SPHKAP: variants seen among roughly 807,000 people sequenced by gnomAD.
The protein encoded by SPHKAP is SPHK1 interactor, AKAP domain containing, also known as A-kinase anchor protein SPHKAP.
Under a neutral mutation model 137.5 loss-of-function variants are expected in SPHKAP, and 67 were observed. That is an observed-to-expected ratio of 0.49 (90% CI 0.40 to 0.60). SPHKAP has a LOEUF of 0.60. SPHKAP is among the 20% of genes least tolerant of loss of function. The probability of loss-of-function intolerance (pLI) is 0.00; values close to 1 mark genes in which losing one functional copy is unlikely to be tolerated. For synonymous variants in SPHKAP, 813 were observed against 785.3 expected (o/e 1.04, Z -0.59); for missense variants, 2,097 against 2,069.3 (o/e 1.01, Z -0.26).
chr2:228,077,205 T>A (rs538511343), intron 3 of SPHKAP, among the ~76,000 whole-genome samples: 2 of 152,194 alleles, frequency 1.3e-5, no homozygotes, highest in Non-Finnish European at 2.9e-5. Context: ...GCTAGGGCAG[T>A]GTGGAAGAGA....
At chr2:228,092,119 A>G (rs1697762937) in intron 3 of SPHKAP, among the ~76,000 whole-genome samples, 1 of 125,104 alleles carries the variant, frequency 8.0e-6, no homozygotes, top group South Asian at 2.5e-4. Flanking sequence ...ACACATATAT[A>G]CATATACGTA....
chr2:227,981,768 C>T lies in SPHKAP; in HGVS notation c.5052G>A (p.Glu1684=). The change falls in exon 12 of 12, where the codon GAG becomes GAA. Residue 1684 remains glutamate (E), a synonymous_variant. Coordinates refer to ENST00000392056, the MANE Select transcript of SPHKAP (RefSeq NM_001142644.2). ...AVVQYCKMHE[E]QKDGRLSLFD... is the part of the protein sequence containing the mutation. ...AGAGACTCAGTCTCCCATCCTTCTG[C>T]TCCTCATGCATTTTGCAGTACTGGA... is the stretch of plus-strand genomic sequence containing the variant. The T allele has an allele frequency of 1.2e-6, 2 of 1,613,964 alleles. No homozygotes were observed. The highest frequency in any genetic ancestry group is 8.5e-7 in the Non-Finnish European group (1 of 1,179,846).
At chr2:228,010,389 G>T (rs1694322789) in intron 7 of SPHKAP, among the ~76,000 whole-genome samples, 1 of 152,106 alleles carries the variant, frequency 6.6e-6, no homozygotes, top group East Asian at 1.9e-4. Flanking sequence ...AAAATTAGCT[G>T]GGTGTGGTGG....
chr2:227,996,102 T>A, intron 7 of SPHKAP: 1 of 985,100 alleles, frequency 1.0e-6, no homozygotes, highest in Non-Finnish European at 1.2e-6. Flanking sequence ...TCCTGGTTGA[T>A]TCTAATGCAA....
At chr2:227,992,053 G>T (rs570430720) in intron 9 of SPHKAP, among the ~76,000 whole-genome samples, 1 of 152,088 alleles carries the variant, frequency 6.6e-6, no homozygotes, top group Non-Finnish European at 1.5e-5. Context: ...GCATGTAGTG[G>T]GAGGACTTGG....
chr2:228,099,926 T>C (rs1698136034), intron 3 of SPHKAP, among the ~76,000 whole-genome samples: 1 of 152,042 alleles, frequency 6.6e-6, no homozygotes. Context: ...CTCGGCTCAC[T>C]GCAAGCTCCG....
In SPHKAP at chr2:228,016,535, G is replaced by C. The variant is rs764615338; in HGVS notation, c.4319C>G (p.Ala1440Gly). The change falls in exon 7 of 12, where the codon GCT becomes GGT. Residue 1440 changes from alanine to glycine, a missense_variant. Physicochemically the swap from Ala to Gly is moderately conservative, Grantham distance 60. Coordinates refer to ENST00000392056, the MANE Select transcript of SPHKAP (RefSeq NM_001142644.2). ...QIETDQREAC[A>G]GEPEPFLSKS... Reference sequence around the variant, plus strand: ...GGAAAGGAAGGGTTCAGGTTCCCCAGCACAGGCTTCTCTCTGATCTGTTTC... The same window carrying C: ...GGAAAGGAAGGGTTCAGGTTCCCCACCACAGGCTTCTCTCTGATCTGTTTC... 3.1e-6 allele frequency: 5 copies of C among 1,614,080 alleles called. No individual in the cohort carries two copies. The South Asian group carries it at 5.5e-5, about 18-fold the overall frequency.
intron 8 of SPHKAP, among the ~76,000 whole-genome samples, chr2:227,995,133 G>A (rs548804814): frequency 3.3e-5 from 5 of 152,308 alleles, no homozygotes; most frequent in South Asian, 2.1e-4. Flanking sequence ...CACTTGCCTC[G>A]TGTAAACCCA....
At chr2:228,007,102 C>T (rs576949864) in intron 7 of SPHKAP, among the ~76,000 whole-genome samples, 15 of 152,320 alleles carry the variant, frequency 9.8e-5, no homozygotes, top group African/African-American at 3.1e-4. Context: ...TCTTCTGCAT[C>T]GCTCACGCTG....
chr2:228,050,997 G>A lies in SPHKAP; in HGVS notation c.247-23454C>T, dbSNP rs141806840. Among the ~76,000 whole-genome samples the A allele has an allele frequency of 4.0e-3, 604 of 152,062 alleles. 7 individuals are homozygous for A. Among genetic ancestry groups the A allele is most frequent in the African/African-American group, 0.014 (581 of 41,486 alleles). ...ATTTTTGTATATTTTGTAGAGACAG[G>A]GTTTTGCTATGTTGTCCAGGCTGGT... On this transcript the variant is annotated intron_variant, in intron 3 of 11. Transcript: ENST00000392056.
intron 8 of SPHKAP, 65 bp from the exon 9 acceptor site, chr2:227,993,685 T>G: frequency 7.2e-7 from 1 of 1,393,368 alleles, no homozygotes; most frequent in Non-Finnish European, 1.0e-6. Context: ...CTGACAGTGA[T>G]GTTCCATTGT....
intron 3 of SPHKAP, among the ~76,000 whole-genome samples, chr2:228,042,366 T>C (rs1695886084): frequency 6.6e-6 from 1 of 152,146 alleles, no homozygotes; most frequent in South Asian, 2.1e-4. Flanking sequence ...TATATATTTA[T>C]TTTTTAAAGA....
At chr2:228,020,824 A>G (rs969119492) in intron 6 of SPHKAP, among the ~76,000 whole-genome samples, 2 of 152,212 alleles carry the variant, frequency 1.3e-5, no homozygotes, top group Admixed American at 1.3e-4. Context: ...AAGGCTTTCA[A>G]ATTTCATGAT....
chr2:228,056,206 T>C (rs537779494), intron 3 of SPHKAP, among the ~76,000 whole-genome samples: 10 of 152,370 alleles, frequency 6.6e-5, no homozygotes, highest in Admixed American at 6.5e-4. Context: ...TTTCCTGCTT[T>C]TTCTCAACTA....
intron 11 of SPHKAP, among the ~76,000 whole-genome samples, chr2:227,990,697 C>A (rs1693380156): frequency 6.6e-6 from 1 of 152,116 alleles, no homozygotes; most frequent in East Asian, 1.9e-4. Flanking sequence ...GGATCACTAT[C>A]AAGAAGTTTG....
intron 5 of SPHKAP, among the ~76,000 whole-genome samples, chr2:228,023,989 T>C (rs1694937866): frequency 1.3e-5 from 2 of 152,236 alleles, no homozygotes; most frequent in African/African-American, 4.8e-5. Context: ...CAAAAAGATA[T>C]TGCTTCCTTG....
intron 2 of SPHKAP, among the ~76,000 whole-genome samples, chr2:228,117,991 T>G (rs1334825998): frequency 6.6e-6 from 1 of 151,994 alleles, no homozygotes; most frequent in Non-Finnish European, 1.5e-5. Context: ...TTATTCTAAT[T>G]TATTGATCTG....
At chr2:228,180,719 G>C in intron 1 of SPHKAP, among the ~76,000 whole-genome samples, 1 of 152,342 alleles carries the variant, frequency 6.6e-6, no homozygotes, top group Non-Finnish European at 1.5e-5. Context: ...CCACCTGCCC[G>C]GCTGGGGGAG....
At chr2:228,118,550 A>G (rs1698795763) in intron 2 of SPHKAP, among the ~76,000 whole-genome samples, 2 of 151,912 alleles carry the variant, frequency 1.3e-5, no homozygotes, top group Admixed American at 1.3e-4. Context: ...TTGCTTTTAC[A>G]TTTATTTTAG....
Sources: gnomAD v4.1 joint callset for allele counts (sites outside exome capture counted in the v4.1 genomes callset) on GRCh38, gnomAD v4.1.1 for gene constraint, MANE v1.5 for transcripts, NCBI Gene and HGNC (gene_info 2026-07-23, HGNC 2026-07-21) for gene names.